LSM12: variants seen among roughly 807,000 people sequenced by gnomAD.
LSM12 encodes the protein protein LSM12.
For missense variants in LSM12, 108 were observed against 238.9 expected (o/e 0.45, Z 3.61); for synonymous variants, 74 against 87.3 (o/e 0.85, Z 0.85).
At chr17:44,052,749 A>T (rs2049663416) in intron 2 of LSM12, among the ~76,000 whole-genome samples, 1 of 151,642 alleles carries the variant, frequency 6.6e-6, no homozygotes, top group African/African-American at 2.4e-5. Flanking sequence ...ACAAGAGCGA[A>T]ACTCTGTCTT....
chr17:44,066,068 A>G (rs1461696508), intron 1 of LSM12, among the ~76,000 whole-genome samples: 1 of 151,694 alleles, frequency 6.6e-6, no homozygotes, highest in South Asian at 2.1e-4. Flanking sequence ...TCCTTACCCT[A>G]AACACCCCTC....
chr17:44,036,643 C>A (rs1229853492), intron 4 of LSM12, among the ~76,000 whole-genome samples: 3 of 151,844 alleles, frequency 2.0e-5, no homozygotes, highest in Admixed American at 2.0e-4. Flanking sequence ...ACAGTCTTAT[C>A]AAACCTCCTA....
intron 2 of LSM12, among the ~76,000 whole-genome samples, chr17:44,063,111 T>C (rs775080375): frequency 6.6e-6 from 1 of 151,380 alleles, no homozygotes; most frequent in African/African-American, 2.4e-5. Flanking sequence ...AAAGAAAGAC[T>C]TGGGCAGGCA....
chr17:44,037,302 G>T, intron 4 of LSM12, 110 bp downstream of exon 4: 1 of 1,323,782 alleles, frequency 7.6e-7, no homozygotes, highest in South Asian at 1.6e-5. Context: ...CAGGGCCTCT[G>T]CTGCTAGAGG....
At chr17:44,048,873 C>T (rs539003159) in intron 2 of LSM12, among the ~76,000 whole-genome samples, 4 of 152,026 alleles carry the variant, frequency 2.6e-5, no homozygotes. Flanking sequence ...TATATGCATT[C>T]GATATCAAAG....
chr17:44,041,318 C>CAA (rs2049489066), intron 2 of LSM12, among the ~76,000 whole-genome samples: 2 of 144,152 alleles, frequency 1.4e-5, no homozygotes, highest in African/African-American at 5.4e-5. Flanking sequence ...CACACACACA[C>CAA]ACACACACAC....
chr17:44,061,317 CAAAAAA>C (rs11306333), intron 2 of LSM12, among the ~76,000 whole-genome samples: 1 of 96,062 alleles, frequency 1.0e-5, no homozygotes, highest in Non-Finnish European at 2.2e-5. Flanking sequence ...AACTCCATCT[CAAAAAA>C]AAAAAAAAAA....
chr17:44,060,324 G>A (rs1055980635), intron 2 of LSM12, among the ~76,000 whole-genome samples: 3 of 152,050 alleles, frequency 2.0e-5, no homozygotes, highest in Non-Finnish European at 2.9e-5. Flanking sequence ...ACTCAAGTCC[G>A]TGATCTTAAA....
intron 2 of LSM12, among the ~76,000 whole-genome samples, chr17:44,054,825 C>G (rs772268176): frequency 6.6e-6 from 1 of 151,332 alleles, no homozygotes; most frequent in Non-Finnish European, 1.5e-5. Flanking sequence ...GCCTTGGCGA[C>G]GTTTTCTTTT....
intron 2 of LSM12, among the ~76,000 whole-genome samples, chr17:44,053,127 C>T (rs1052442981): frequency 6.6e-6 from 1 of 152,122 alleles, no homozygotes; most frequent in African/African-American, 2.4e-5. Context: ...TCAAGCCCCT[C>T]CTCCACTGTC....
chr17:44,051,164 T>C (rs561175195), intron 2 of LSM12, among the ~76,000 whole-genome samples: 1 of 151,880 alleles, frequency 6.6e-6, no homozygotes, highest in South Asian at 2.1e-4. Flanking sequence ...CCCAGCACTT[T>C]GGGAGGCAGA....
intron 2 of LSM12, among the ~76,000 whole-genome samples, chr17:44,047,795 C>T (rs1255476237): frequency 2.7e-5 from 4 of 150,696 alleles, no homozygotes; most frequent in Non-Finnish European, 5.9e-5. Flanking sequence ...GTTCCCTAGG[C>T]TAGTCTCAAA....
chr17:44,064,078 C>T (rs1471433771), intron 1 of LSM12, 144 bp from the exon 2 acceptor site: 1 of 879,188 alleles, frequency 1.1e-6, no homozygotes, highest in African/African-American at 1.7e-5. Flanking sequence ...TCACGGTTCT[C>T]CTCAGGAAAT....
At chr17:44,063,652 T>C (rs2049829361) in intron 2 of LSM12, 149 bp downstream of exon 2, 1 of 948,644 alleles carries the variant, frequency 1.1e-6, no homozygotes, top group Non-Finnish European at 1.5e-6. Context: ...AGAGAAAAAC[T>C]AAACCTACAT....
At chr17:44,042,411 T>C (rs1166890468) in intron 2 of LSM12, among the ~76,000 whole-genome samples, 1 of 152,192 alleles carries the variant, frequency 6.6e-6, no homozygotes, top group African/African-American at 2.4e-5. Flanking sequence ...CATAGCTTTT[T>C]TTCTTGGGAT....
rs2049879915 is a variant in LSM12 at position 44,066,483 on chromosome 17, T to C, written c.105A>G (p.Gln35=). 1 of 1,548,958 alleles carries C rather than the reference T, an allele frequency of 6.5e-7. No individual in the cohort carries two copies. Among genetic ancestry groups the C allele is most frequent in the East Asian group, 2.6e-5 (1 of 39,210 alleles). Residue 35 remains glutamine (Q), a synonymous_variant, in exon 1 of 5, where the codon CAA becomes CAG. Coordinates refer to ENST00000293406, the MANE Select transcript of LSM12 (RefSeq NM_001371445.1). ...LQGEVVAFDY[Q]SKMLALKCPS... is the part of the protein sequence containing the mutation. ...GGATACTTAAAGCCAGCATTTTGGATTGGTAGTCAAAGGCTACCACCTCGC... is the reference window on the plus strand; with the variant it reads ...GGATACTTAAAGCCAGCATTTTGGACTGGTAGTCAAAGGCTACCACCTCGC...
Position 44,066,611 on chromosome 17 carries a change from CGGCGGCGGCGGCAGCAGCGGGCGAA to C in LSM12, c.-49_-25del. ...ATCTTGGGAGTGCAGCCGCGGCCGG[CGGCGGCGGCGGCAGCAGCGGGCGAA>C]AGCCGGGCCCCCAGTGAGCGCCGCG... On this transcript the variant is annotated 5_prime_UTR_variant, in exon 1 of 5. Coordinates refer to ENST00000293406, the MANE Select transcript of LSM12 (RefSeq NM_001371445.1). The C allele has an allele frequency of 7.6e-7, 1 of 1,324,490 alleles. No individual in the cohort carries two copies. Among genetic ancestry groups the C allele is most frequent in the Non-Finnish European group, 9.7e-7 (1 of 1,033,564 alleles). The allele number at this position is 1,324,490 out of a possible 1,614,324, so 82.0% of individuals were successfully genotyped here. A position where few individuals can be genotyped will look rare whatever the true frequency, so the allele number is the denominator to read the frequency against.
chr17:44,049,405 G>A (rs1283904664), intron 2 of LSM12, among the ~76,000 whole-genome samples: 2 of 152,108 alleles, frequency 1.3e-5, no homozygotes, highest in African/African-American at 4.8e-5. Flanking sequence ...AGCCTACAGA[G>A]TAGCTGAGAC....
At chr17:44,037,362 C>T (rs369967574) in intron 4 of LSM12, 50 bp downstream of exon 4, 2 of 1,530,604 alleles carry the variant, frequency 1.3e-6, no homozygotes, top group African/African-American at 2.8e-5. Flanking sequence ...AGACTGAAGG[C>T]CTGAGGAACC....
Sources: allele counts gnomAD v4.1 joint callset (sites outside exome capture counted in the v4.1 genomes callset), GRCh38; gene constraint gnomAD v4.1.1; transcripts MANE v1.5; gene names NCBI Gene and HGNC (gene_info 2026-07-23, HGNC 2026-07-21).